UBAP2L: variants seen among roughly 807,000 people sequenced by gnomAD.
UBAP2L encodes ubiquitin associated protein 2 like.
A neutral mutation model predicts 130.6 loss-of-function variants in UBAP2L; 12 were observed. The ratio of observed to expected loss-of-function variants is 0.09; its 90% CI spans 0.06 to 0.15. UBAP2L has a LOEUF of 0.15. Among genes scored for constraint, UBAP2L ranks in the 10% least tolerant of loss-of-function variants. The pLI, the probability that UBAP2L is intolerant of heterozygous loss-of-function variation, is 1.00. For synonymous variants in UBAP2L, 503 were observed against 524.7 expected (o/e 0.96, Z 0.57); for missense variants, 965 against 1,332.5 (o/e 0.72, Z 4.29).
Position 154,225,210 on chromosome 1 carries a change from A to G in UBAP2L, c.87A>G (p.Pro29=). The part of the protein sequence containing the change: ...NQNQTQHKQR[P]QATAEQIRLA... ...ACCAGACACAGCACAAGCAGCGGCC[A>G]CAGGTAAATAATCCAAGGCATACGG... is the stretch of plus-strand genomic sequence containing the variant. The change falls in exon 2 of 27, where the codon CCA becomes CCG. Residue 29 remains proline (P), a synonymous_variant. Coordinates refer to ENST00000428931, the MANE Select transcript of UBAP2L (RefSeq NM_014847.4). The G allele has an allele frequency of 1.9e-6, 3 of 1,614,054 alleles. No individual in the cohort carries two copies. Among genetic ancestry groups the G allele is most frequent in the Non-Finnish European group, 2.5e-6 (3 of 1,179,994 alleles).
Position 154,267,507 on chromosome 1 carries a change from CT to C in UBAP2L, c.2970+954del, listed in dbSNP as rs36052787. ...AGGGGTAGGGACACTATTGGTTTGC[CT>C]TTTTTTTTTTTTTTGGAGACAGTCT... On this transcript the variant is annotated intron_variant, in intron 25 of 26. Coordinates refer to ENST00000428931, the MANE Select transcript of UBAP2L (RefSeq NM_014847.4). Among the ~76,000 whole-genome samples the C allele has an allele frequency of 3.6e-3, 435 of 120,540 alleles. 2 individuals are homozygous for C. Among genetic ancestry groups the C allele is most frequent in the Middle Eastern group, 5.6e-3 (1 of 178 alleles). The allele number at this position is 120,540 out of a possible 152,430, so 79.1% of individuals were successfully genotyped here. A position where few individuals can be genotyped will look rare whatever the true frequency, so the allele number is the denominator to read the frequency against.
intron 12 of UBAP2L, among the ~76,000 whole-genome samples, chr1:154,249,772 A>T (rs1033552391): frequency 5.9e-5 from 9 of 152,000 alleles, no homozygotes; most frequent in East Asian, 3.9e-4. Context: ...CTCCATTTCT[A>T]AAAAAATTGT....
intron 24 of UBAP2L, chr1:154,263,317 CCTCCCCCATTTCCCT>C: frequency 7.0e-7 from 1 of 1,427,906 alleles, no homozygotes; most frequent in Non-Finnish European, 9.1e-7. Flanking sequence ...TGAACTTGCC[CCTCCCCCATTTCCCT>C]CTCCCCCATG....
At chr1:154,245,034 C>T (rs368003817) in intron 10 of UBAP2L, among the ~76,000 whole-genome samples, 3 of 151,986 alleles carry the variant, frequency 2.0e-5, no homozygotes, top group Admixed American at 6.5e-5. Flanking sequence ...CAGGTTCAAG[C>T]GATTCTCCTG....
chr1:154,220,704 T>C, upstream of UBAP2L: 1 of 441,972 alleles, frequency 2.3e-6, no homozygotes. Context: ...CGGCCATCCG[T>C]GCGTCACGTG....
At chr1:154,245,320 G>A (rs567315113) in intron 10 of UBAP2L, among the ~76,000 whole-genome samples, 1 of 152,290 alleles carries the variant, frequency 6.6e-6, no homozygotes, top group East Asian at 1.9e-4. Context: ...TGAAAGAAGT[G>A]TGTTATGAGT....
chr1:154,222,334 A>G (rs1352217492), intron 1 of UBAP2L, among the ~76,000 whole-genome samples: 3 of 152,092 alleles, frequency 2.0e-5, no homozygotes, highest in Non-Finnish European at 4.4e-5. Flanking sequence ...ATTGTACTTA[A>G]AGATTAGACT....
intron 20 of UBAP2L, chr1:154,257,930 C>T (rs1680194338): frequency 6.5e-6 from 1 of 154,378 alleles, no homozygotes; most frequent in Non-Finnish European, 1.4e-5. Context: ...CCAGAATGTT[C>T]ATCTGGAATC....
chr1:154,251,998 G>A (rs1196434564), intron 14 of UBAP2L, among the ~76,000 whole-genome samples: 1 of 152,054 alleles, frequency 6.6e-6, no homozygotes, highest in Non-Finnish European at 1.5e-5. Context: ...TTTAAACACA[G>A]AGTTTCACTC....
Position 154,257,064 on chromosome 1 carries a change from A to G in UBAP2L, c.2159A>G (p.His720Arg). 1 of 1,612,906 alleles carries G rather than the reference A, an allele frequency of 6.2e-7. No homozygotes were observed. Among genetic ancestry groups the G allele is most frequent in the Non-Finnish European group, 8.5e-7 (1 of 1,179,740 alleles). The change falls in exon 19 of 27, where the codon CAC becomes CGC. Residue 720 changes from histidine (H) to arginine (R), a missense_variant and splice_region_variant. His to Arg is a conservative substitution (Grantham distance 29). This residue lies in a region of UBAP2L where 393 missense variants were observed against 408.1 expected (regional missense o/e 0.96). Transcript: ENST00000428931. Reference sequence around the variant, plus strand: ...CTTCCACTGCTCCCCCTTTTGAAGCACACAAGTGTGGAGAGTGAGGCGAAT... The same window carrying G: ...CTTCCACTGCTCCCCCTTTTGAAGCGCACAAGTGTGGAGAGTGAGGCGAAT... ...SGRTSTSTLL[H>R]TSVESEANLH...
chr1:154,249,216 CTCA>C lies in UBAP2L; in HGVS notation c.1015-20_1015-18del. On this transcript the variant is annotated intron_variant, in intron 11 of 26. Transcript: ENST00000428931. ...ACAAGGTTACTGGCTGTAGGTTTCT[CTCA>C]TCTCTTTGTTGATCTACAGGTGAGC... The C allele has an allele frequency of 6.2e-7, 1 of 1,612,802 alleles. No individual in the cohort carries two copies. Among genetic ancestry groups the C allele is most frequent in the Non-Finnish European group, 8.5e-7 (1 of 1,179,036 alleles).
At chr1:154,220,693 G>A, upstream of UBAP2L, 1 of 469,088 alleles carries the variant, frequency 2.1e-6, no homozygotes, top group Non-Finnish European at 3.9e-6. Context: ...AGAGGAAGCG[G>A]CGGCCATCCG....
chr1:154,234,920 C>T (rs1671108095), intron 5 of UBAP2L, 161 bp downstream of exon 5: 3 of 943,778 alleles, frequency 3.2e-6, no homozygotes, highest in Non-Finnish European at 4.7e-6. Flanking sequence ...TGCATGTGGC[C>T]TTTTCTACCA....
intron 2 of UBAP2L, among the ~76,000 whole-genome samples, chr1:154,226,233 C>T (rs1667890834): frequency 6.6e-6 from 1 of 152,120 alleles, no homozygotes; most frequent in Non-Finnish European, 1.5e-5. Context: ...CTGATTATTC[C>T]TTTCCCATGA....
intron 16 of UBAP2L, 26 bp downstream of exon 16, chr1:154,254,916 T>G (rs765538198): frequency 6.3e-7 from 1 of 1,586,430 alleles, no homozygotes; most frequent in African/African-American, 1.4e-5. Flanking sequence ...GCTTTTCCCC[T>G]CCTAAGTTTC....
At chr1:154,263,961 A>G (rs1383299342) in intron 24 of UBAP2L, among the ~76,000 whole-genome samples, 3 of 152,104 alleles carry the variant, frequency 2.0e-5, no homozygotes, top group Non-Finnish European at 4.4e-5. Flanking sequence ...CTAGTTGATG[A>G]CTCAGGCTCT....
At chr1:154,254,649 G>A in intron 15 of UBAP2L, 187 bp from the exon 16 acceptor site, 1 of 578,846 alleles carries the variant, frequency 1.7e-6, no homozygotes, top group Admixed American at 3.7e-5. Flanking sequence ...CAGTTTTGTT[G>A]TTTAATTTTT....
chr1:154,257,040 T>G, intron 18 of UBAP2L, 23 bp from the exon 19 acceptor site: 1 of 1,606,556 alleles, frequency 6.2e-7, no homozygotes, highest in South Asian at 1.1e-5. Flanking sequence ...TTCTTCTCTC[T>G]TCCACTGCTC....
intron 4 of UBAP2L, among the ~76,000 whole-genome samples, chr1:154,234,206 T>G (rs1002324935): frequency 6.6e-6 from 1 of 151,780 alleles, no homozygotes; most frequent in African/African-American, 2.4e-5. Context: ...TTACTAAAAA[T>G]ACAAAAATTA....
Sources: gnomAD v4.1 joint callset for allele counts (sites outside exome capture counted in the v4.1 genomes callset) on GRCh38, gnomAD v4.1.1 for gene constraint, gnomAD v4.1.1 regional missense constraint, MANE v1.5 for transcripts, NCBI Gene and HGNC (gene_info 2026-07-23, HGNC 2026-07-21) for gene names.